IL27RA: variants seen among roughly 807,000 people sequenced by gnomAD.
IL27RA encodes the protein interleukin-27 receptor subunit alpha.
A neutral mutation model predicts 80.8 loss-of-function variants in IL27RA; 61 were observed. The observed-to-expected ratio is 0.76, with a 90% CI of 0.61 to 0.93. The LOEUF is 0.93. Among genes scored for constraint, IL27RA ranks in the 40% least tolerant of loss-of-function variants. The pLI, the probability that IL27RA is intolerant of heterozygous loss-of-function variation, is 0.00. For missense variants in IL27RA, 735 were observed against 808.1 expected (o/e 0.91, Z 1.10); for synonymous variants, 316 against 332.5 (o/e 0.95, Z 0.54).
Position 14,050,881 on chromosome 19 carries a change from C to T in IL27RA, c.1526C>T (p.Pro509Leu). 6.2e-7 allele frequency: 1 copy of T among 1,606,480 alleles called. No individual in the cohort carries two copies. The highest frequency in any genetic ancestry group is 1.1e-5 in the South Asian group (1 of 90,622). ...GGTCCCATCCTCCGGCTTCATCTACCAGGTAGGGGGGTTGGGATGGGATTG... is the reference window on the plus strand; with the variant it reads ...GGTCCCATCCTCCGGCTTCATCTACTAGGTAGGGGGGTTGGGATGGGATTG... Reference protein sequence around the residue: ...PPGPILRLHLPDNTLRWKVLP... With the variant: ...PPGPILRLHLLDNTLRWKVLP... Residue 509 changes from proline (P) to leucine (L), a missense_variant and splice_region_variant, in exon 11 of 14, where the codon CCA becomes CTA. Pro to Leu is a moderately conservative substitution (Grantham distance 98, BLOSUM62 -3). Coordinates refer to ENST00000263379, the MANE Select transcript of IL27RA (RefSeq NM_004843.4).
intron 2 of IL27RA, among the ~76,000 whole-genome samples, chr19:14,034,895 A>G (rs144725378): frequency 0.028 from 4,183 of 147,886 alleles, 63 homozygotes; most frequent in African/African-American, 0.033. Flanking sequence ...AGAGCTTGCA[A>G]TGAGCCGAGA....
In IL27RA at chr19:14,036,093, AAAG is replaced by A. The variant is rs373073771; in HGVS notation, c.219-3395_219-3393del. Among the ~76,000 whole-genome samples the A allele has an allele frequency of 2.7e-3, 411 of 149,862 alleles. 9 individuals are homozygous for A. The East Asian group carries it at 0.051, about 19-fold the overall frequency. On this transcript the variant is annotated intron_variant, in intron 2 of 13. Transcript: ENST00000263379. ...CGTCTCTATTAAAAAAAAAAAAAAG[AAAG>A]AAGAAGAAGAAGAAGAAGAGGAAGA...
intron 2 of IL27RA, among the ~76,000 whole-genome samples, chr19:14,036,884 G>A (rs1382915636): frequency 6.6e-6 from 1 of 151,542 alleles, no homozygotes; most frequent in East Asian, 1.9e-4. Flanking sequence ...CGCTCAGGCT[G>A]GAGTGCAATG....
In IL27RA at chr19:14,050,913, G is replaced by C. The variant is rs760450277; in HGVS notation, c.1528+30G>C. 15 of 1,592,288 alleles carry C rather than the reference G, an allele frequency of 9.4e-6. No individual in the cohort carries two copies. In the South Asian group the frequency reaches 1.7e-4, roughly 18 times the overall value. On this transcript the variant is annotated intron_variant, in intron 11 of 13. Transcript: ENST00000263379. ...GGGGGTTGGGATGGGATTGCCACAG[G>C]GAGGGGATGTACTCCACAGTGGGGA...
In IL27RA at chr19:14,042,435, CG is replaced by C; in HGVS notation, c.535-17del. 1 of 1,611,656 alleles carries C rather than the reference CG, an allele frequency of 6.2e-7. No homozygotes were observed. The highest frequency in any genetic ancestry group is 8.5e-7 in the Non-Finnish European group (1 of 1,178,358). ...ACTCAGGCCCTGGGCCCATCACGCTCGCCTGTCTCTCCCCCAGCTGGAACCG... is the reference window on the plus strand; with the variant it reads ...ACTCAGGCCCTGGGCCCATCACGCTCCCTGTCTCTCCCCCAGCTGGAACCG... On this transcript the variant is annotated splice_polypyrimidine_tract_variant and intron_variant, in intron 4 of 13. Transcript: ENST00000263379.
rs143665603 is a variant in IL27RA, at chr19:14,046,574, A to G, written c.1097A>G (p.Asn366Ser). The G allele has an allele frequency of 3.6e-4, 574 of 1,613,420 alleles. 4 individuals carry two copies. In the African/African-American group the frequency reaches 6.0e-3, roughly 17 times the overall value. ...GATGGGGACCCCCTGGAGAAACTCA[A>G]CTGGGTCCGGCTTCCCCCTGGGAAC... ...ARDGDPLEKLNWVRLPPGNLS... is the reference protein window; with the variant it reads ...ARDGDPLEKLSWVRLPPGNLS... Residue 366 changes from asparagine to serine, a missense_variant, in exon 8 of 14, where the codon AAC (asparagine) becomes AGC (serine). Coordinates refer to ENST00000263379, the MANE Select transcript of IL27RA (RefSeq NM_004843.4).
intron 2 of IL27RA, among the ~76,000 whole-genome samples, chr19:14,037,580 C>G (rs1056321381): frequency 2.6e-5 from 4 of 151,990 alleles, no homozygotes; most frequent in Non-Finnish European, 5.9e-5. Context: ...TTAAACACAC[C>G]AGGCACAGTT....
intron 6 of IL27RA, among the ~76,000 whole-genome samples, chr19:14,045,115 G>A (rs1976045560): frequency 6.9e-6 from 1 of 144,288 alleles, no homozygotes; most frequent in Non-Finnish European, 1.5e-5. Flanking sequence ...ATGAGACTCT[G>A]TCTCCAAAAA....
Position 14,031,940 on chromosome 19 carries a change from T to C in IL27RA, c.68T>C (p.Leu23Ser). ...PLPKLALLPL[L>S]WVLFQRTRPQ... is the part of the protein sequence containing the mutation. The stretch of plus-strand genomic sequence containing the variant: ...CCCAAGCTGGCGCTGCTGCCTCTGT[T>C]GTGGGTGCTTTTCCAGCGGACGCGT... The change falls in exon 1 of 14, where the codon TTG (leucine) becomes TCG (serine). Residue 23 changes from leucine (L) to serine (S), a missense_variant. Leu to Ser is a moderately radical substitution (Grantham distance 145, BLOSUM62 -2). Transcript: ENST00000263379. 1 of 1,611,278 alleles carries C rather than the reference T, an allele frequency of 6.2e-7. No individual in the cohort carries two copies. Among genetic ancestry groups the C allele is most frequent in the Non-Finnish European group, 8.5e-7 (1 of 1,178,856 alleles).
chr19:14,032,414 A>G lies in IL27RA; in HGVS notation c.129A>G (p.Gly43=). 1.9e-6 allele frequency: 3 copies of G among 1,613,742 alleles called. No homozygotes were observed. The highest frequency in any genetic ancestry group is 1.7e-4 in the Middle Eastern group (1 of 6,034). The change falls in exon 2 of 14, where the codon GGA becomes GGG. Residue 43 remains glycine (G), a synonymous_variant. Coordinates refer to ENST00000263379, the MANE Select transcript of IL27RA (RefSeq NM_004843.4). The part of the protein sequence containing the change: ...QGSAGPLQCY[G]VGPLGDLNCS... ...GCGCCGGGCCACTGCAGTGCTACGG[A>G]GTTGGACCCTTGGGCGACTTGAACT...
chr19:14,049,419 A>G (rs568897992), intron 10 of IL27RA, 105 bp downstream of exon 10: 9 of 1,165,204 alleles, frequency 7.7e-6, no homozygotes, highest in Admixed American at 5.5e-5. Context: ...CCCAGGGACC[A>G]TACATGGTGT....
At chr19:14,032,143 G>T (rs572540566) in intron 1 of IL27RA, among the ~76,000 whole-genome samples, 171 bp downstream of exon 1, 1 of 152,342 alleles carries the variant, frequency 6.6e-6, no homozygotes, top group South Asian at 2.1e-4. Flanking sequence ...GCGGCAGCGA[G>T]GTCGAACCGG....
chr19:14,049,430 C>G (rs532926636), intron 10 of IL27RA, 116 bp downstream of exon 10: 1 of 941,020 alleles, frequency 1.1e-6, no homozygotes, highest in East Asian at 2.9e-5. Flanking sequence ...TACATGGTGT[C>G]CTCAATTCCC....
At chr19:14,046,694 C>T (rs1976072607) in intron 8 of IL27RA, 76 bp downstream of exon 8, 1 of 1,387,918 alleles carries the variant, frequency 7.2e-7, no homozygotes, top group Non-Finnish European at 9.8e-7. Context: ...AGAGGGAGTG[C>T]TATGATTAAA....
At chr19:14,047,564 C>T (rs879732866) in intron 8 of IL27RA, among the ~76,000 whole-genome samples, 5 of 151,018 alleles carry the variant, frequency 3.3e-5, no homozygotes, top group Non-Finnish European at 7.4e-5. Context: ...ACCATGTTGG[C>T]TAGGCTGGTG....
chr19:14,041,927 T>G (rs570643326), intron 4 of IL27RA, among the ~76,000 whole-genome samples: 2 of 151,634 alleles, frequency 1.3e-5, no homozygotes, highest in South Asian at 4.2e-4. Flanking sequence ...TTGGCTGGGC[T>G]TGGTGGCTCA....
rs1976070613 is a variant in IL27RA, at chr19:14,046,608, T to C, written c.1131T>C (p.Ala377=). Residue 377 remains alanine, a synonymous_variant, in exon 8 of 14, where the codon GCT becomes GCC. Coordinates refer to ENST00000263379, the MANE Select transcript of IL27RA (RefSeq NM_004843.4). ...GGCTTCCCCCTGGGAACCTCAGTGC[T>C]CTGTTACCAGGTGAGGCCCTGGGAC... ...WVRLPPGNLS[A]LLPGNFTVGV... is the part of the protein sequence containing the mutation. 1.9e-6 allele frequency: 3 copies of C among 1,604,848 alleles called. No homozygotes were observed. The highest frequency in any genetic ancestry group is 1.3e-5 in the African/African-American group (1 of 74,776).
At position 14,040,196 on chromosome 19, in the gene IL27RA, T is replaced by C. The variant is rs550146939; in HGVS notation, c.534+286T>C. Among the ~76,000 whole-genome samples the C allele has an allele frequency of 4.0e-5, 6 of 149,402 alleles. No homozygotes were observed. The East Asian group carries it at 1.2e-3, about 30-fold the overall frequency. On this transcript the variant is annotated intron_variant, in intron 4 of 13. Coordinates refer to ENST00000263379, the MANE Select transcript of IL27RA (RefSeq NM_004843.4). ...CTGGCCAACATGGTGAAATCCCATC[T>C]CCACTAAAAATACAAAAATTACCTA...
chr19:14,039,768 C>T lies in IL27RA; in HGVS notation c.392C>T (p.Pro131Leu), dbSNP rs763238631. ...NLETQMKPNA[P>L]RLGPDVDFSE... ...CCTTCCCCAGTGAAGCCAAACGCCC[C>T]CCGGCTGGGCCCTGACGTGGACTTT... Residue 131 changes from proline to leucine, a missense_variant, in exon 4 of 14, where the codon CCC becomes CTC. Coordinates refer to ENST00000263379, the MANE Select transcript of IL27RA (RefSeq NM_004843.4). The T allele has an allele frequency of 1.2e-6, 2 of 1,613,940 alleles. No individual in the cohort carries two copies. The highest frequency in any genetic ancestry group is 1.7e-6 in the Non-Finnish European group (2 of 1,179,890).
Sources: gnomAD v4.1 joint callset for allele counts (sites outside exome capture counted in the v4.1 genomes callset) on GRCh38, gnomAD v4.1.1 for gene constraint, MANE v1.5 for transcripts, NCBI Gene and HGNC (gene_info 2026-07-23, HGNC 2026-07-21) for gene names.